ZFAND3: variants seen among roughly 807,000 people sequenced by gnomAD.
ZFAND3 encodes AN1-type zinc finger protein 3.
Under a neutral mutation model 29.6 loss-of-function variants are expected in ZFAND3, and 10 were observed. The observed-to-expected ratio is 0.34, with a 90% confidence interval of 0.21 to 0.57. ZFAND3 has a LOEUF of 0.57. Among genes scored for constraint, ZFAND3 ranks in the 20% least tolerant of loss-of-function variants. ZFAND3 has a pLI of 0.86. For synonymous variants in ZFAND3, 128 were observed against 112.6 expected (o/e 1.14, Z -0.87); for missense variants, 230 against 304.5 (o/e 0.76, Z 1.82).
chr6:37,839,588 C>G (rs1282901988), intron 1 of ZFAND3, among the ~76,000 whole-genome samples: 1 of 151,252 alleles, frequency 6.6e-6, no homozygotes. Flanking sequence ...GATCTCAGCT[C>G]TCTGCAAGCT....
chr6:37,907,188 T>C (rs953813024), intron 1 of ZFAND3, among the ~76,000 whole-genome samples: 1 of 152,178 alleles, frequency 6.6e-6, no homozygotes, highest in Non-Finnish European at 1.5e-5. Flanking sequence ...TGATTTTTTT[T>C]CAGATCATAG....
At chr6:37,823,781 T>A (rs1310932551) in intron 1 of ZFAND3, among the ~76,000 whole-genome samples, 1 of 150,846 alleles carries the variant, frequency 6.6e-6, no homozygotes, top group African/African-American at 2.4e-5. Flanking sequence ...ATTATATATG[T>A]ATTTTTTTGT....
intron 2 of ZFAND3, among the ~76,000 whole-genome samples, chr6:38,003,530 C>G (rs1225695723): frequency 6.7e-6 from 1 of 150,150 alleles, no homozygotes; most frequent in African/African-American, 2.5e-5. Flanking sequence ...CGGTGCCTCA[C>G]TTTTGTCGCC....
At chr6:38,046,332 C>T (rs1194007645) in intron 2 of ZFAND3, among the ~76,000 whole-genome samples, 1 of 152,202 alleles carries the variant, frequency 6.6e-6, no homozygotes, top group African/African-American at 2.4e-5. Context: ...TTGCCTATAT[C>T]ACATGCTATT....
In ZFAND3 at chr6:38,154,229, C is replaced by G. The variant is rs533026604; in HGVS notation, c.*1840C>G. 3 of 985,558 alleles carry G rather than the reference C, an allele frequency of 3.0e-6. No individual in the cohort carries two copies. The highest frequency in any genetic ancestry group is 9.4e-5 in the South Asian group (2 of 21,292). The allele number at this position is 985,558 out of a possible 1,614,324, so 61.1% of individuals were successfully genotyped here. A position where few individuals can be genotyped will look rare whatever the true frequency, so the allele number is the denominator to read the frequency against. ...ATAGGCTTCCGCCAAGCTCTGGTCC[C>G]GAAGAGGCTGTGCGAGCCCTTCCCG... On this transcript the variant is annotated 3_prime_UTR_variant, in exon 6 of 6. Coordinates refer to ENST00000287218, the MANE Select transcript of ZFAND3 (RefSeq NM_021943.3).
chr6:37,979,197 A>AC (rs2127431681), intron 2 of ZFAND3, among the ~76,000 whole-genome samples: 1 of 152,300 alleles, frequency 6.6e-6, no homozygotes, highest in South Asian at 2.1e-4. Flanking sequence ...TCACCTCGTT[A>AC]CTGCTTCAGT....
chr6:37,902,508 CCAAA>C (rs564800676), intron 1 of ZFAND3, among the ~76,000 whole-genome samples: 127 of 151,886 alleles, frequency 8.4e-4, no homozygotes, highest in South Asian at 2.7e-3. Flanking sequence ...ACCACCACCA[CCAAA>C]CAAACAAAAC....
At chr6:37,842,467 T>C (rs1764096375) in intron 1 of ZFAND3, among the ~76,000 whole-genome samples, 1 of 152,190 alleles carries the variant, frequency 6.6e-6, no homozygotes, top group Non-Finnish European at 1.5e-5. Flanking sequence ...TTGATATTTA[T>C]CAGTGTTGTA....
chr6:37,983,948 G>T (rs1220971317), intron 2 of ZFAND3, among the ~76,000 whole-genome samples: 1 of 152,156 alleles, frequency 6.6e-6, no homozygotes, highest in East Asian at 1.9e-4. Context: ...CTTACTTTGG[G>T]CAGTGCAATG....
At chr6:37,945,281 C>T (rs564318319) in intron 2 of ZFAND3, among the ~76,000 whole-genome samples, 2 of 152,330 alleles carry the variant, frequency 1.3e-5, no homozygotes, top group South Asian at 4.1e-4. Flanking sequence ...TCCCCTTCAA[C>T]CACCCTGTAT....
In ZFAND3 at chr6:37,981,727, A is replaced by G. The variant is rs148135642; in HGVS notation, c.112+51728A>G. Among the ~76,000 whole-genome samples, 17 of 152,238 alleles carry G rather than the reference A, an allele frequency of 1.1e-4. No homozygotes were observed. The East Asian group carries it at 3.3e-3, about 29-fold the overall frequency. On this transcript the variant is annotated intron_variant, in intron 2 of 5. Transcript: ENST00000287218. Reference sequence around the variant, plus strand: ...TTTTTCCTTGTAGAAGGTCAACATGAGTTGTGTAAACCGAAGAGTGTCTGA... The same window carrying G: ...TTTTTCCTTGTAGAAGGTCAACATGGGTTGTGTAAACCGAAGAGTGTCTGA...
At chr6:38,096,613 T>C (rs1327311758) in intron 4 of ZFAND3, among the ~76,000 whole-genome samples, 1 of 152,196 alleles carries the variant, frequency 6.6e-6, no homozygotes, top group Non-Finnish European at 1.5e-5. Flanking sequence ...CTGGAACTCT[T>C]TTATTTTCCC....
intron 1 of ZFAND3, among the ~76,000 whole-genome samples, chr6:37,924,653 A>T (rs972592785): frequency 6.6e-6 from 1 of 151,628 alleles, no homozygotes; most frequent in Non-Finnish European, 1.5e-5. Flanking sequence ...TGGGCAACAA[A>T]GTAAGACACC....
chr6:37,864,770 C>CACAT (rs1764558080), intron 1 of ZFAND3, among the ~76,000 whole-genome samples: 1 of 132,556 alleles, frequency 7.5e-6, no homozygotes, highest in African/African-American at 2.5e-5. Flanking sequence ...CACACACACA[C>CACAT]ATGCACACAT....
chr6:38,120,334 T>TTTTTTTTTTTTTTTTTTTTTTTTTTC (rs1765508735), intron 5 of ZFAND3, among the ~76,000 whole-genome samples: 1 of 122,554 alleles, frequency 8.2e-6, no homozygotes, highest in Non-Finnish European at 1.6e-5. Flanking sequence ...TTTTTTTTTT[T>TTTTTTTTTTTTTTTTTTTTTTTTTTC]TTTTTTTTTT....
chr6:38,128,718 CCA>C (rs1429711480), intron 5 of ZFAND3, among the ~76,000 whole-genome samples: 1 of 152,080 alleles, frequency 6.6e-6, no homozygotes, highest in African/African-American at 2.4e-5. Flanking sequence ...TATATATACA[CCA>C]CAGTTTCTTT....
At chr6:38,003,498 T>C (rs918083595) in intron 2 of ZFAND3, among the ~76,000 whole-genome samples, 7 of 134,126 alleles carry the variant, frequency 5.2e-5, no homozygotes, top group Non-Finnish European at 1.0e-4. Flanking sequence ...AAACCATCCA[T>C]AATCTTTTTT....
At chr6:37,854,777 T>C (rs374780887) in intron 1 of ZFAND3, among the ~76,000 whole-genome samples, 5,277 of 107,132 alleles carry the variant, frequency 0.049, 140 homozygotes, top group Non-Finnish European at 0.075. Flanking sequence ...CCCCCCCCCC[T>C]TTTTTTTTAA....
Position 38,042,302 on chromosome 6 carries a change from T to G in ZFAND3, c.113-19291T>G, listed in dbSNP as rs531196996. 5.4e-5 allele frequency among the ~76,000 whole-genome samples: 8 copies of G among 147,136 alleles called. No individual in the cohort carries two copies. The South Asian group carries it at 1.7e-3, about 32-fold the overall frequency. Reference sequence around the variant, plus strand: ...AGTATGCATGTCACATATAACTCCTTCTTGAGCTTGCTTTTTTTTTTTTTT... The same window carrying G: ...AGTATGCATGTCACATATAACTCCTGCTTGAGCTTGCTTTTTTTTTTTTTT... On this transcript the variant is annotated intron_variant, in intron 2 of 5. Coordinates refer to ENST00000287218, the MANE Select transcript of ZFAND3 (RefSeq NM_021943.3).
Sources: gnomAD v4.1 joint callset for allele counts (sites outside exome capture counted in the v4.1 genomes callset) on GRCh38, gnomAD v4.1.1 for gene constraint, MANE v1.5 for transcripts, NCBI Gene and HGNC (gene_info 2026-07-23, HGNC 2026-07-21) for gene names.